The following PITPNM2 variants were observed in gnomAD, a reference collection of about 807,000 sequenced individuals.
The protein encoded by PITPNM2 is phosphatidylinositol transfer protein membrane associated 2, also known as membrane-associated phosphatidylinositol transfer protein 2.
A neutral mutation model predicts 132.2 loss-of-function variants in PITPNM2; 35 were observed. The ratio of observed to expected loss-of-function variants is 0.26; its 90% CI spans 0.20 to 0.35. PITPNM2 has a LOEUF of 0.35. PITPNM2 is among the 10% of genes least tolerant of loss of function. PITPNM2 has a pLI of 1.00. For missense variants in PITPNM2, 1,332 were observed against 1,912.0 expected, an observed-to-expected ratio of 0.70 and a Z score of 5.66; for synonymous variants, 738 against 799.2, an observed-to-expected ratio of 0.92 and a Z score of 1.29.
chr12:122,987,076 C>G (rs1208604045), intron 23 of PITPNM2, among the ~76,000 whole-genome samples: 1 of 152,256 alleles, frequency 6.6e-6, no homozygotes, highest in Non-Finnish European at 1.5e-5. Context: ...GAATTGAAAG[C>G]CGACATTGAG....
rs1341128053 is a variant in PITPNM2, at chr12:123,031,024, G to A, written c.78+3489C>T. Among the ~76,000 whole-genome samples the A allele has an allele frequency of 2.0e-5, 3 of 152,172 alleles. No homozygotes were observed. The highest frequency in any genetic ancestry group is 4.4e-5 in the Non-Finnish European group (3 of 68,034). On this transcript the variant is annotated intron_variant, in intron 3 of 25. Coordinates refer to ENST00000320201, the MANE Select transcript of PITPNM2 (RefSeq NM_020845.3). This position sits in a 1 kb window ranked among gnomAD's most constrained non-coding sequence, Gnocchi z 4.5. ...GGAGTGACTGTTTAATGGATATGGG[G>A]TTTCTTTCTGGGGTGATGAAAGTGT... is the stretch of plus-strand genomic sequence containing the variant.
At chr12:123,017,895 C>T (rs942603388) in intron 3 of PITPNM2, among the ~76,000 whole-genome samples, 3 of 152,116 alleles carry the variant, frequency 2.0e-5, no homozygotes, top group Non-Finnish European at 2.9e-5. Flanking sequence ...TGCTAATGGG[C>T]GCAGGGCCCT....
chr12:123,066,186 T>C (rs527802834), intron 2 of PITPNM2, among the ~76,000 whole-genome samples: 1 of 152,252 alleles, frequency 6.6e-6, no homozygotes, highest in East Asian at 1.9e-4. Flanking sequence ...CAGTGATGTA[T>C]CCGAGAGGAG....
chr12:123,030,050 C>T (rs751423904), intron 3 of PITPNM2, among the ~76,000 whole-genome samples: 46 of 152,214 alleles, frequency 3.0e-4, no homozygotes, highest in Non-Finnish European at 4.9e-4. Flanking sequence ...CAGGAAACTG[C>T]GAGGATTCAG....
At chr12:122,999,150 G>A (rs1169708999) in intron 10 of PITPNM2, among the ~76,000 whole-genome samples, 1 of 152,062 alleles carries the variant, frequency 6.6e-6, no homozygotes, top group African/African-American at 2.4e-5. Context: ...GAAGGGCAAG[G>A]GAATGGATGG....
chr12:123,089,825 C>T (rs537830465), intron 2 of PITPNM2: 1 of 152,258 alleles, frequency 6.6e-6, no homozygotes, highest in Admixed American at 6.5e-5. Context: ...GACAAACCAC[C>T]ATCCTCTGTG....
At chr12:122,996,655 C>A in intron 12 of PITPNM2, 66 bp downstream of exon 12, 2 of 1,611,488 alleles carry the variant, frequency 1.2e-6, no homozygotes, top group South Asian at 2.2e-5. Context: ...TCACCTTCCC[C>A]CTGAGGCCAG....
At chr12:123,071,104 G>A (rs571619202) in intron 2 of PITPNM2, among the ~76,000 whole-genome samples, 158 of 152,354 alleles carry the variant, frequency 1.0e-3, no homozygotes, top group African/African-American at 3.6e-3. Context: ...TCCGACCTGG[G>A]ATCCTCGAGT....
rs956043723 is a variant in PITPNM2 at position 123,097,343 on chromosome 12, T to G, written c.-96+13042A>C. On this transcript the variant is annotated intron_variant, in intron 2 of 25. Transcript: ENST00000320201. This position sits in a 1 kb window ranked among gnomAD's most constrained non-coding sequence, Gnocchi z 4.7. ...CAGGCATGAGCCACCGCGCCCGGCC[T>G]GCCATCTCCCTTTTATTAGTGATTG... is the stretch of plus-strand genomic sequence containing the variant. 6.6e-6 allele frequency among the ~76,000 whole-genome samples: 1 copy of G among 152,198 alleles called. No homozygotes were observed. Among genetic ancestry groups the G allele is most frequent in the African/African-American group, 2.4e-5 (1 of 41,458 alleles).
At position 123,147,445 on chromosome 12, in the gene PITPNM2, C is replaced by T. The variant is rs574413942; in HGVS notation, c.-200+3308G>A. ...TCCTCCCATCTCAGCTACAGGCGCA[C>T]ACCACCACGCCCAGCTAGCAATGTT... On this transcript the variant is annotated intron_variant, in intron 1 of 25. Coordinates refer to ENST00000320201, the MANE Select transcript of PITPNM2 (RefSeq NM_020845.3). Among the ~76,000 whole-genome samples the T allele has an allele frequency of 6.6e-5, 10 of 152,254 alleles. 1 individual carries two copies. In the East Asian group the frequency reaches 1.4e-3, roughly 21 times the overall value.
intron 1 of PITPNM2, among the ~76,000 whole-genome samples, chr12:123,114,241 C>A (rs961405703): frequency 1.3e-5 from 2 of 151,904 alleles, no homozygotes; most frequent in African/African-American, 4.8e-5. Flanking sequence ...AAGATAACAT[C>A]ACTTAATTTA....
Position 123,000,982 on chromosome 12 carries a change from G to A in PITPNM2, c.1153+72C>T, listed in dbSNP as rs1029891741. The A allele has an allele frequency of 7.8e-6, 12 of 1,538,784 alleles. No individual in the cohort carries two copies. In the African/African-American group the frequency reaches 1.2e-4, roughly 16 times the overall value. On this transcript the variant is annotated intron_variant, in intron 9 of 25. Transcript: ENST00000320201. The surrounding 1 kb of genome is among the most constrained non-coding windows in gnomAD (Gnocchi z 5.4). The stretch of plus-strand genomic sequence containing the variant: ...GTATGCCCAGCACTGTGCAGAAGCT[G>A]GTCAGAAAGGAGGGGGCTGAAGCCC...
At position 123,031,617 on chromosome 12, in the gene PITPNM2, G is replaced by A. The variant is rs1412774600; in HGVS notation, c.78+2896C>T. Among the ~76,000 whole-genome samples the A allele has an allele frequency of 6.6e-6, 1 of 152,022 alleles. No individual in the cohort carries two copies. The highest frequency in any genetic ancestry group is 1.5e-5 in the Non-Finnish European group (1 of 67,992). On this transcript the variant is annotated intron_variant, in intron 3 of 25. Coordinates refer to ENST00000320201, the MANE Select transcript of PITPNM2 (RefSeq NM_020845.3). This position sits in a 1 kb window ranked among gnomAD's most constrained non-coding sequence, Gnocchi z 4.5. ...ACCTGTGATGTGCAGCAGACCCCCT[G>A]CCCATCACCAAGCTGTCTATCCGAC...
At chr12:123,105,994 A>G (rs1373619705) in intron 2 of PITPNM2, among the ~76,000 whole-genome samples, 2 of 152,156 alleles carry the variant, frequency 1.3e-5, no homozygotes, top group South Asian at 2.1e-4. Context: ...CCTGTCCTGA[A>G]GAGCACAAGT....
At chr12:123,151,792 T>G (rs2043768193), upstream of PITPNM2, among the ~76,000 whole-genome samples, 2 of 152,204 alleles carry the variant, frequency 1.3e-5, no homozygotes, top group African/African-American at 4.8e-5. Context: ...GGTGGACTTG[T>G]TTGGCAAAAT....
chr12:122,992,812 T>G lies in PITPNM2; in HGVS notation c.2234-143A>C. 4.8e-6 allele frequency: 3 copies of G among 625,132 alleles called. No individual in the cohort carries two copies. 38.7% of individuals were successfully genotyped at this position (625,132 alleles called of 1,614,324 possible). Reference sequence around the variant, plus strand: ...GGTGTGTCTCTATCAATTTGGGACCTGTTTGGGTCATTGTCACTTTTTTGT... The same window carrying G: ...GGTGTGTCTCTATCAATTTGGGACCGGTTTGGGTCATTGTCACTTTTTTGT... On this transcript the variant is annotated intron_variant, in intron 15 of 25. Transcript: ENST00000320201. This position sits in a 1 kb window ranked among gnomAD's most constrained non-coding sequence, Gnocchi z 6.5.
At chr12:122,997,275 G>A (rs760599296) in intron 11 of PITPNM2, 50 bp downstream of exon 11, 1 of 1,607,208 alleles carries the variant, frequency 6.2e-7, no homozygotes, top group Non-Finnish European at 8.5e-7. Context: ...AGGGGTAGGA[G>A]GAGGACAGTG....
chr12:123,146,048 TGAAA>T (rs751592502), intron 1 of PITPNM2, among the ~76,000 whole-genome samples: 1 of 151,764 alleles, frequency 6.6e-6, no homozygotes, highest in Non-Finnish European at 1.5e-5. Context: ...AGCAAACTAA[TGAAA>T]GAACAGAAAA....
chr12:123,006,592 G>A lies in PITPNM2; in HGVS notation c.644-1044C>T, dbSNP rs371000086. 5.6e-4 allele frequency among the ~76,000 whole-genome samples: 84 copies of A among 150,902 alleles called. No individual in the cohort carries two copies. The East Asian group carries it at 0.011, about 20-fold the overall frequency. ...GCCAGGCGTGGTGGTGTGTGTCTGT[G>A]GTCCCAGCTACTTGTGAGGTGGAGG... On this transcript the variant is annotated intron_variant, in intron 6 of 25. Transcript: ENST00000320201.
Sources: allele counts gnomAD v4.1 joint callset (sites outside exome capture counted in the v4.1 genomes callset), GRCh38; gene constraint gnomAD v4.1.1; non-coding constraint Gnocchi (gnomAD v3.1); transcripts MANE v1.5; gene names NCBI Gene and HGNC (gene_info 2026-07-23, HGNC 2026-07-21).